Variants in CDC123 observed in about 807,000 individuals in gnomAD.
CDC123 encodes translation initiation factor eIF2 assembly protein.
Under a neutral mutation model 54.4 loss-of-function variants are expected in CDC123, and 37 were observed. The ratio of observed to expected loss-of-function variants is 0.68; its 90% CI spans 0.52 to 0.89. The LOEUF is 0.89. Ranked by LOEUF, CDC123 falls within the 40% of genes least tolerant of loss-of-function variation. The pLI is 0.00. For missense variants in CDC123, 361 were observed against 412.1 expected, an observed-to-expected ratio of 0.88 and a Z score of 1.07; for synonymous variants, 144 against 136.8, an observed-to-expected ratio of 1.05 and a Z score of -0.37.
chr10:12,210,268 T>G, intron 3 of CDC123, 22 bp from the exon 4 acceptor site: 1 of 1,613,658 alleles, frequency 6.2e-7, no homozygotes, highest in Non-Finnish European at 8.5e-7. Context: ...AATGTTTTAT[T>G]TTTTTCCTCT....
chr10:12,196,191 G>C lies in CDC123; in HGVS notation c.-55G>C, dbSNP rs1835340469. The C allele has an allele frequency of 6.2e-7, 1 of 1,612,828 alleles. No homozygotes were observed. Among genetic ancestry groups the C allele is most frequent in the Admixed American group, 1.7e-5 (1 of 60,014 alleles). ...GGCACTTCCGGGGCCGGCGCCCAGA[G>C]TTCCGGGAGGGTGCAGGCAGGAGAG... is the stretch of plus-strand genomic sequence containing the variant. On this transcript the variant is annotated 5_prime_UTR_variant, in exon 1 of 13. Coordinates refer to ENST00000281141, the MANE Select transcript of CDC123 (RefSeq NM_006023.3).
intron 2 of CDC123, among the ~76,000 whole-genome samples, chr10:12,199,699 G>A (rs1048949639): frequency 1.3e-5 from 2 of 152,188 alleles, no homozygotes; most frequent in Admixed American, 6.5e-5. Context: ...GGTATTCACA[G>A]AGCCTCAATA....
intron 5 of CDC123, among the ~76,000 whole-genome samples, chr10:12,216,957 C>T (rs1835672186): frequency 6.6e-6 from 1 of 152,184 alleles, no homozygotes; most frequent in Non-Finnish European, 1.5e-5. Flanking sequence ...TTGGCTGCCA[C>T]TCCCCAGAAA....
chr10:12,215,519 G>A (rs150098454), intron 4 of CDC123, among the ~76,000 whole-genome samples: 1 of 152,274 alleles, frequency 6.6e-6, no homozygotes, highest in Admixed American at 6.5e-5. Flanking sequence ...GGCTTTGATT[G>A]TCTGGAAAAT....
At chr10:12,212,944 T>A (rs189816984) in intron 4 of CDC123, among the ~76,000 whole-genome samples, 25 of 152,216 alleles carry the variant, frequency 1.6e-4, no homozygotes, top group Non-Finnish European at 3.7e-4. Flanking sequence ...TATGACCTAT[T>A]GACTAAAATA....
chr10:12,240,415 C>T (rs946745063), intron 10 of CDC123, among the ~76,000 whole-genome samples: 6 of 152,206 alleles, frequency 3.9e-5, no homozygotes, highest in African/African-American at 1.4e-4. Flanking sequence ...GAATCTGAAT[C>T]ACCTTTGGAC....
At chr10:12,219,090 A>G (rs1026194442) in intron 6 of CDC123, among the ~76,000 whole-genome samples, 1 of 152,176 alleles carries the variant, frequency 6.6e-6, no homozygotes, top group Non-Finnish European at 1.5e-5. Flanking sequence ...AGTTCGTTCC[A>G]TGTCAGACTC....
intron 8 of CDC123, 129 bp downstream of exon 8, chr10:12,235,252 TCTAACCAGTTGATAC>T: frequency 1.4e-6 from 1 of 723,430 alleles, no homozygotes; most frequent in Non-Finnish European, 2.4e-6. Context: ...AGATGCCACC[TCTAACCAGTTGATAC>T]TGACTCTCTG....
At chr10:12,220,232 CTGA>C (rs1391587222) in intron 6 of CDC123, among the ~76,000 whole-genome samples, 1 of 152,132 alleles carries the variant, frequency 6.6e-6, no homozygotes, top group Non-Finnish European at 1.5e-5. Flanking sequence ...AATTCTGAGG[CTGA>C]TGTTTTTTTT....
At chr10:12,200,119 C>CCTTTTTTTT (rs1564431631) in intron 2 of CDC123, among the ~76,000 whole-genome samples, 1,078 of 24,106 alleles carry the variant, frequency 0.045, 57 homozygotes, top group African/African-American at 0.12. Context: ...CCGCACTCGG[C>CCTTTTTTTT]ATTTTTTTTT....
At chr10:12,245,503 C>G (rs957400186) in intron 10 of CDC123, 2 of 152,134 alleles carry the variant, frequency 1.3e-5, no homozygotes, top group Admixed American at 1.3e-4. Context: ...GTGGTCTGTC[C>G]GCCTCAGCCT....
chr10:12,202,762 C>T (rs1835457125), intron 2 of CDC123, among the ~76,000 whole-genome samples: 1 of 152,230 alleles, frequency 6.6e-6, no homozygotes, highest in African/African-American at 2.4e-5. Flanking sequence ...CGCCTGTAAT[C>T]CCAGCACTTT....
At chr10:12,203,493 T>C (rs780007719) in intron 2 of CDC123, among the ~76,000 whole-genome samples, 1 of 152,170 alleles carries the variant, frequency 6.6e-6, no homozygotes, top group Non-Finnish European at 1.5e-5. Flanking sequence ...TGGAGTGATA[T>C]GTAGAGGATT....
rs748420012 is a variant in CDC123 at position 12,249,628 on chromosome 10, C to T, written c.894C>T (p.Pro298=). Reference sequence around the variant, plus strand: ...CAAACAGTGAAGTGACAGTCCAGCCCAGCCCCTATTTGAGTTACCGGCTAC... The same window carrying T: ...CAAACAGTGAAGTGACAGTCCAGCCTAGCCCCTATTTGAGTTACCGGCTAC... ...RCTNSEVTVQ[P]SPYLSYRLPK... Residue 298 remains proline (P), a synonymous_variant, in exon 12 of 13, where the codon CCC becomes CCT. Coordinates refer to ENST00000281141, the MANE Select transcript of CDC123 (RefSeq NM_006023.3). 6.9e-5 allele frequency: 112 copies of T among 1,614,020 alleles called. No homozygotes were observed. Among genetic ancestry groups the T allele is most frequent in the Non-Finnish European group, 9.1e-5 (107 of 1,180,000 alleles).
intron 9 of CDC123, 97 bp from the exon 10 acceptor site, chr10:12,238,360 C>T: frequency 4.4e-6 from 6 of 1,370,866 alleles, no homozygotes; most frequent in Non-Finnish European, 6.0e-6. Context: ...CATTTATATT[C>T]TGCTGTCTTT....
chr10:12,200,143 T>TTTTTTTTA (rs1350723293), intron 2 of CDC123, among the ~76,000 whole-genome samples: 1 of 136,784 alleles, frequency 7.3e-6, no homozygotes, highest in African/African-American at 2.9e-5. Flanking sequence ...TTTTTTTTTT[T>TTTTTTTTA]AAAGATGGAG....
chr10:12,209,818 C>A (rs550548677), intron 2 of CDC123, 149 bp from the exon 3 acceptor site: 4 of 705,484 alleles, frequency 5.7e-6, no homozygotes, highest in Non-Finnish European at 1.0e-5. Flanking sequence ...ACTCACTCAG[C>A]CTGCCAGAGT....
intron 2 of CDC123, 124 bp from the exon 3 acceptor site, chr10:12,209,843 T>C: frequency 1.2e-6 from 1 of 846,426 alleles, no homozygotes; most frequent in Non-Finnish European, 2.0e-6. Context: ...GGATTACAGG[T>C]GTGAGCCACC....
At chr10:12,237,071 T>C in intron 8 of CDC123, 73 bp from the exon 9 acceptor site, 1 of 1,416,280 alleles carries the variant, frequency 7.1e-7, no homozygotes, top group Non-Finnish European at 9.3e-7. Context: ...TTCCACAAAA[T>C]GTTTAAATCA....
Sources: gnomAD v4.1 joint callset for allele counts (sites outside exome capture counted in the v4.1 genomes callset) on GRCh38, gnomAD v4.1.1 for gene constraint, MANE v1.5 for transcripts, NCBI Gene and HGNC (gene_info 2026-07-23, HGNC 2026-07-21) for gene names.